The following ZNRF1 variants were observed in gnomAD, a reference collection of about 807,000 sequenced individuals.
ZNRF1 encodes zinc and ring finger 1.
ZNRF1 carries 3 observed loss-of-function variants against 18.4 expected under a neutral mutation model. That is an observed-to-expected ratio of 0.16 (90% CI 0.07 to 0.42). The LOEUF is 0.42. Ranked by LOEUF, ZNRF1 falls within the 10% of genes least tolerant of loss-of-function variation. The pLI, the probability that ZNRF1 is intolerant of heterozygous loss-of-function variation, is 0.99. For synonymous variants in ZNRF1, 157 were observed against 144.2 expected (o/e 1.09, Z -0.64); for missense variants, 310 against 329.8 (o/e 0.94, Z 0.47).
At chr16:75,025,849 G>C (rs1353427905) in intron 1 of ZNRF1, among the ~76,000 whole-genome samples, 1 of 148,582 alleles carries the variant, frequency 6.7e-6, no homozygotes, top group East Asian at 2.0e-4. Flanking sequence ...CGACATCTGA[G>C]AGCTCTAAAA....
intron 1 of ZNRF1, among the ~76,000 whole-genome samples, chr16:75,007,154 C>CGA (rs2145318305): frequency 6.6e-6 from 1 of 151,302 alleles, no homozygotes; most frequent in Non-Finnish European, 1.5e-5. Flanking sequence ...GCCTGTAGGG[C>CGA]TCAAGCGATC....
intron 1 of ZNRF1, among the ~76,000 whole-genome samples, chr16:75,025,250 A>G (rs1250043895): frequency 6.6e-6 from 1 of 151,960 alleles, no homozygotes; most frequent in African/African-American, 2.4e-5. Flanking sequence ...TTGTATTTTT[A>G]GTAGAGATAG....
rs139117408 is a variant in ZNRF1 at position 75,052,330 on chromosome 16, G to T, written c.425-41242G>T. On this transcript the variant is annotated intron_variant, in intron 1 of 4. Transcript: ENST00000335325. Reference sequence around the variant, plus strand: ...GTGGGAAAATTGCTTGAGCCCAGGAGGCAGAGGTTGCAGTGAGCCAGCATG... The same window carrying T: ...GTGGGAAAATTGCTTGAGCCCAGGATGCAGAGGTTGCAGTGAGCCAGCATG... Among the ~76,000 whole-genome samples the T allele has an allele frequency of 3.8e-3, 573 of 151,992 alleles. 2 individuals are homozygous for T. Among genetic ancestry groups the T allele is most frequent in the South Asian group, 0.012 (58 of 4,814 alleles).
chr16:75,062,755 G>A (rs1035827176), intron 1 of ZNRF1, among the ~76,000 whole-genome samples: 5 of 152,340 alleles, frequency 3.3e-5, no homozygotes, highest in Middle Eastern at 3.4e-3. Context: ...GGGCCTGGCC[G>A]TATGACACAC....
chr16:75,012,800 G>C (rs1010127189), intron 1 of ZNRF1, among the ~76,000 whole-genome samples: 2 of 152,210 alleles, frequency 1.3e-5, no homozygotes, highest in African/African-American at 4.8e-5. Flanking sequence ...ACGGTTATTA[G>C]AAATGTGTTA....
At chr16:75,020,723 T>C (rs1220515690) in intron 1 of ZNRF1, among the ~76,000 whole-genome samples, 1 of 152,060 alleles carries the variant, frequency 6.6e-6, no homozygotes, top group Non-Finnish European at 1.5e-5. Context: ...TTTGTATTTT[T>C]AGTGGAGACA....
At chr16:75,049,009 T>G (rs1484735974) in intron 1 of ZNRF1, among the ~76,000 whole-genome samples, 1 of 142,054 alleles carries the variant, frequency 7.0e-6, no homozygotes, top group Non-Finnish European at 1.5e-5. Context: ...TGGAATCCCT[T>G]TTTTTTTTTT....
At chr16:75,052,406 A>G (rs2035617459) in intron 1 of ZNRF1, among the ~76,000 whole-genome samples, 1 of 152,036 alleles carries the variant, frequency 6.6e-6, no homozygotes, top group Non-Finnish European at 1.5e-5. Flanking sequence ...GTCTCAAAAA[A>G]AAAAAAAAGA....
At chr16:75,067,830 G>A (rs1012766003) in intron 1 of ZNRF1, among the ~76,000 whole-genome samples, 4 of 152,170 alleles carry the variant, frequency 2.6e-5, no homozygotes, top group African/African-American at 9.7e-5. Flanking sequence ...AGACCTAAAT[G>A]AGAATGGTAA....
At chr16:75,061,920 A>C (rs2035749402) in intron 1 of ZNRF1, among the ~76,000 whole-genome samples, 1 of 152,182 alleles carries the variant, frequency 6.6e-6, no homozygotes, top group Admixed American at 6.5e-5. Context: ...GAACTGGGAG[A>C]GGTTCCCTTT....
chr16:75,070,101 A>G (rs756528840), intron 1 of ZNRF1, among the ~76,000 whole-genome samples: 17 of 152,194 alleles, frequency 1.1e-4, no homozygotes, highest in Non-Finnish European at 2.1e-4. Flanking sequence ...GGGGATGCCA[A>G]AAAAACTCAG....
chr16:75,048,175 T>A (rs989737103), intron 1 of ZNRF1, among the ~76,000 whole-genome samples: 1 of 152,170 alleles, frequency 6.6e-6, no homozygotes, highest in Non-Finnish European at 1.5e-5. Context: ...CATCTCAAAC[T>A]CCTGGACTCA....
At chr16:75,074,828 G>A (rs1243490099) in intron 1 of ZNRF1, among the ~76,000 whole-genome samples, 2 of 152,106 alleles carry the variant, frequency 1.3e-5, no homozygotes, top group Non-Finnish European at 2.9e-5. Flanking sequence ...AGCTCTTTAG[G>A]AGGCCTGGGC....
At chr16:75,053,261 G>A (rs770365696) in intron 1 of ZNRF1, among the ~76,000 whole-genome samples, 6 of 152,096 alleles carry the variant, frequency 3.9e-5, no homozygotes, top group Admixed American at 3.9e-4. Flanking sequence ...AAGCATTTTT[G>A]TTCTCTAACT....
At chr16:75,025,696 C>G (rs2035213274) in intron 1 of ZNRF1, among the ~76,000 whole-genome samples, 1 of 152,226 alleles carries the variant, frequency 6.6e-6, no homozygotes, top group Non-Finnish European at 1.5e-5. Flanking sequence ...GCCCCACTTT[C>G]TCTTTCCCAG....
intron 1 of ZNRF1, among the ~76,000 whole-genome samples, chr16:75,049,498 T>C (rs1344462974): frequency 1.3e-5 from 2 of 152,172 alleles, no homozygotes; most frequent in Non-Finnish European, 2.9e-5. Flanking sequence ...GGATAGTTTT[T>C]AAAAATTGCT....
Position 74,999,577 on chromosome 16 carries a change from T to TC in ZNRF1, c.-90dup. ...CCTCCGGGTCTCCTTTTTGACTCCCTCCCCCTTTATGCTCGCCCAGCCCTC... is the reference window on the plus strand; with the variant it reads ...CCTCCGGGTCTCCTTTTTGACTCCCTCCCCCCTTTATGCTCGCCCAGCCCTC... On this transcript the variant is annotated 5_prime_UTR_variant, in exon 1 of 5. Transcript: ENST00000335325. The TC allele has an allele frequency of 1.1e-6, 1 of 932,736 alleles. No individual in the cohort carries two copies. The allele number at this position is 932,736 out of a possible 1,614,324, so 57.8% of individuals were successfully genotyped here. A position where few individuals can be genotyped will look rare whatever the true frequency, so the allele number is the denominator to read the frequency against.
At chr16:75,017,493 A>C (rs914816460) in intron 1 of ZNRF1, among the ~76,000 whole-genome samples, 2 of 152,252 alleles carry the variant, frequency 1.3e-5, no homozygotes, top group East Asian at 3.8e-4. Context: ...AAGATAAATC[A>C]TTGACATCCA....
At chr16:75,065,167 A>G (rs1361034179) in intron 1 of ZNRF1, among the ~76,000 whole-genome samples, 2 of 152,232 alleles carry the variant, frequency 1.3e-5, no homozygotes, top group Non-Finnish European at 2.9e-5. Flanking sequence ...GCAGGCAGCC[A>G]GAGCTGAAGA....
Sources: allele counts gnomAD v4.1 joint callset (sites outside exome capture counted in the v4.1 genomes callset), GRCh38; gene constraint gnomAD v4.1.1; transcripts MANE v1.5; gene names NCBI Gene and HGNC (gene_info 2026-07-23, HGNC 2026-07-21).